Variants in CNTFR observed in about 807,000 individuals in gnomAD.
CNTFR encodes the protein ciliary neurotrophic factor receptor subunit alpha.
In CNTFR, 12 loss-of-function variants were observed where a neutral mutation model predicts 40.4. That is an observed-to-expected ratio of 0.30 (90% CI 0.19 to 0.48). CNTFR has a LOEUF of 0.48. Among genes scored for constraint, CNTFR ranks in the 20% least tolerant of loss-of-function variants. The pLI, the probability that CNTFR is intolerant of heterozygous loss-of-function variation, is 0.99. For synonymous variants in CNTFR, 202 were observed against 209.6 expected (o/e 0.96, Z 0.31); for missense variants, 414 against 506.8 (o/e 0.82, Z 1.76).
intron 4 of CNTFR, among the ~76,000 whole-genome samples, chr9:34,558,201 A>AC (rs200247355): frequency 7.9e-5 from 12 of 151,720 alleles, no homozygotes; most frequent in Admixed American, 2.0e-4. Context: ...CGGACACGGA[A>AC]CCCCCCCTCC....
chr9:34,575,463 C>A (rs1362934327), intron 2 of CNTFR, among the ~76,000 whole-genome samples: 1 of 152,088 alleles, frequency 6.6e-6, no homozygotes, highest in Admixed American at 6.5e-5. Flanking sequence ...CCGAAGCGGA[C>A]GCCGGGGACA....
chr9:34,560,999 G>T (rs928354360), intron 4 of CNTFR, among the ~76,000 whole-genome samples: 1 of 152,190 alleles, frequency 6.6e-6, no homozygotes, highest in African/African-American at 2.4e-5. Flanking sequence ...GGGGCAAGCT[G>T]CCCACACCCT....
At chr9:34,571,505 T>A (rs1826639427) in intron 2 of CNTFR, 1 of 152,022 alleles carries the variant, frequency 6.6e-6, no homozygotes, top group Non-Finnish European at 1.5e-5. Context: ...TACTCCCAGC[T>A]CCTTCCTGGT....
At position 34,574,212 on chromosome 9, in the gene CNTFR, C is replaced by T. The variant is rs541639374; in HGVS notation, c.1-5231G>A. On this transcript the variant is annotated intron_variant, in intron 2 of 9. Transcript: ENST00000378980. ...CGGCAGGCCCCTCACCAGGGAAGGGCGGGCCTAGGTCAGGGGCCAGCTCGT... is the reference window on the plus strand; with the variant it reads ...CGGCAGGCCCCTCACCAGGGAAGGGTGGGCCTAGGTCAGGGGCCAGCTCGT... Among the ~76,000 whole-genome samples, 387 of 152,168 alleles carry T rather than the reference C, an allele frequency of 2.5e-3. 1 individual carries two copies. The highest frequency in any genetic ancestry group is 8.5e-3 in the African/African-American group (352 of 41,514).
chr9:34,573,912 GAGAC>G (rs1004205963), intron 2 of CNTFR, among the ~76,000 whole-genome samples: 1 of 152,274 alleles, frequency 6.6e-6, no homozygotes, highest in African/African-American at 2.4e-5. Context: ...AAGGAAATGA[GAGAC>G]AGAGCGGGGG....
chr9:34,588,626 C>T (rs989080324), intron 1 of CNTFR, among the ~76,000 whole-genome samples: 35 of 152,166 alleles, frequency 2.3e-4, no homozygotes, highest in African/African-American at 7.7e-4. Flanking sequence ...AGAGACTAGA[C>T]GGAAAGAAAG....
At chr9:34,560,706 G>A (rs996665094) in intron 4 of CNTFR, among the ~76,000 whole-genome samples, 3 of 152,264 alleles carry the variant, frequency 2.0e-5, no homozygotes, top group Non-Finnish European at 4.4e-5. Flanking sequence ...ATCAGGCTCT[G>A]GGCATACACG....
intron 2 of CNTFR, among the ~76,000 whole-genome samples, chr9:34,574,277 T>G (rs1564070584): frequency 6.6e-6 from 1 of 152,130 alleles, no homozygotes; most frequent in Non-Finnish European, 1.5e-5. Context: ...AGGTTCCCAC[T>G]CCCTATGGTG....
intron 2 of CNTFR, among the ~76,000 whole-genome samples, chr9:34,579,273 T>A (rs1279760589): frequency 6.6e-6 from 1 of 151,476 alleles, no homozygotes; most frequent in East Asian, 1.9e-4. Flanking sequence ...CGGGCTTGGA[T>A]CAATCCGTCC....
chr9:34,586,606 G>C (rs1015234453), intron 1 of CNTFR, among the ~76,000 whole-genome samples: 3 of 152,170 alleles, frequency 2.0e-5, no homozygotes, highest in African/African-American at 7.2e-5. Flanking sequence ...TACCACAGAA[G>C]GGATGTCCAA....
intron 7 of CNTFR, among the ~76,000 whole-genome samples, chr9:34,554,886 A>T (rs949548298): frequency 6.6e-6 from 1 of 152,252 alleles, no homozygotes; most frequent in African/African-American, 2.4e-5. Flanking sequence ...AGTGAGTCAC[A>T]GAATGGGGCT....
At position 34,563,868 on chromosome 9, in the gene CNTFR, T is replaced by C. The variant is rs146202427; in HGVS notation, c.319+731A>G. Among the ~76,000 whole-genome samples, 400 of 152,160 alleles carry C rather than the reference T, an allele frequency of 2.6e-3. 1 individual carries two copies. The highest frequency in any genetic ancestry group is 4.5e-3 in the Non-Finnish European group (306 of 68,002). On this transcript the variant is annotated intron_variant, in intron 4 of 9. Transcript: ENST00000378980. ...TCCTTCCTACCTTGGTTTTTCTCCA[T>C]CCAACCTGCCTCCCTCCACTCAGAG...
chr9:34,587,732 G>C (rs1827603545), intron 1 of CNTFR, among the ~76,000 whole-genome samples: 1 of 152,130 alleles, frequency 6.6e-6, no homozygotes, highest in Non-Finnish European at 1.5e-5. Flanking sequence ...GTGTGAATCG[G>C]AGTGAGCATG....
intron 2 of CNTFR, among the ~76,000 whole-genome samples, chr9:34,577,187 G>A (rs1191354783): frequency 6.6e-6 from 1 of 152,192 alleles, no homozygotes; most frequent in Non-Finnish European, 1.5e-5. Flanking sequence ...TGGAATCCAG[G>A]CTGTGCTGGC....
Position 34,557,064 on chromosome 9 carries a change from AATAGGGCAGGGGCAGGTAGAG to A in CNTFR, c.604+441_604+461del, listed in dbSNP as rs1825865342. On this transcript the variant is annotated intron_variant, in intron 6 of 9. Coordinates refer to ENST00000378980, the MANE Select transcript of CNTFR (RefSeq NM_147164.3). This position sits in a 1 kb window ranked among gnomAD's most constrained non-coding sequence, Gnocchi z 4.2. Reference sequence around the variant, plus strand: ...AATAGCAGGCAGAGAGCCTGCCTGGAATAGGGCAGGGGCAGGTAGAGGGTCTGGCTGGGATGGGGGGGGTCA... The same window carrying A: ...AATAGCAGGCAGAGAGCCTGCCTGGAGGTCTGGCTGGGATGGGGGGGGTCA... 6.7e-6 allele frequency among the ~76,000 whole-genome samples: 1 copy of A among 148,514 alleles called. No individual in the cohort carries two copies. The highest frequency in any genetic ancestry group is 1.5e-5 in the Non-Finnish European group (1 of 67,128).
intron 6 of CNTFR, 96 bp from the exon 7 acceptor site, chr9:34,556,514 C>G: frequency 8.1e-7 from 1 of 1,230,120 alleles, no homozygotes; most frequent in Non-Finnish European, 1.1e-6. Flanking sequence ...ATATTGCCAA[C>G]CATTGTCATC....
Position 34,551,899 on chromosome 9 carries a change from C to A in CNTFR, c.*172G>T. On this transcript the variant is annotated 3_prime_UTR_variant, in exon 10 of 10. Coordinates refer to ENST00000378980, the MANE Select transcript of CNTFR (RefSeq NM_147164.3). Reference sequence around the variant, plus strand: ...AGGAAGGAGGGCCAGCTTGGTGCGGCAGGGCTGGGGGGCGGCAGGCCCGGG... The same window carrying A: ...AGGAAGGAGGGCCAGCTTGGTGCGGAAGGGCTGGGGGGCGGCAGGCCCGGG... The A allele has an allele frequency of 1.4e-6, 1 of 703,056 alleles. No individual in the cohort carries two copies. 43.6% of individuals were successfully genotyped at this position (703,056 alleles called of 1,614,324 possible). A position where few individuals can be genotyped will look rare whatever the true frequency, so the allele number is the denominator to read the frequency against.
intron 3 of CNTFR, among the ~76,000 whole-genome samples, chr9:34,568,533 C>T (rs1372753706): frequency 6.6e-6 from 1 of 152,152 alleles, no homozygotes; most frequent in Admixed American, 6.5e-5. Flanking sequence ...TGCCCACTGT[C>T]TCCAATCGGT....
intron 2 of CNTFR, 129 bp from the exon 3 acceptor site, chr9:34,569,110 G>A (rs112178786): frequency 3.7e-5 from 30 of 812,236 alleles, no homozygotes; most frequent in Admixed American, 7.1e-5. Flanking sequence ...GCCCTCACCC[G>A]CTCTGCTTTC....
Sources: allele counts gnomAD v4.1 joint callset (sites outside exome capture counted in the v4.1 genomes callset), GRCh38; gene constraint gnomAD v4.1.1; non-coding constraint Gnocchi (gnomAD v3.1); transcripts MANE v1.5; gene names NCBI Gene and HGNC (gene_info 2026-07-23, HGNC 2026-07-21).